Variants in SUPT6H observed in about 807,000 individuals in gnomAD.
SUPT6H encodes the protein transcription elongation factor SPT6.
A neutral mutation model predicts 222.3 loss-of-function variants in SUPT6H; 11 were observed. That is an observed-to-expected ratio of 0.05 (90% CI 0.03 to 0.08). The LOEUF (loss-of-function observed/expected upper bound fraction) is 0.08, where lower values mean the gene tolerates loss of function less well. Ranked by LOEUF, SUPT6H falls within the 10% of genes least tolerant of loss-of-function variation. The pLI is 1.00. For synonymous variants in SUPT6H, 762 were observed against 801.2 expected (o/e 0.95, Z 0.83); for missense variants, 1,422 against 2,216.0 (o/e 0.64, Z 7.19).
intron 21 of SUPT6H, 32 bp from the exon 22 acceptor site, chr17:28,687,056 T>C (rs2031418601): frequency 6.2e-7 from 1 of 1,608,580 alleles, no homozygotes; most frequent in African/African-American, 1.3e-5. Flanking sequence ...TAAGGGGATT[T>C]TAAGGCCCTG....
At position 28,697,003 on chromosome 17, in the gene SUPT6H, T is replaced by C; in HGVS notation, c.4130T>C (p.Ile1377Thr). ...LTVTWKVSDG[I>T]YQHVDVREEG... ...GTGACCTGGAAAGTCAGTGATGGCA[T>C]CTACCAGCATGTGGATGTGCGGGAG... Residue 1377 changes from isoleucine to threonine, a missense_variant, in exon 30 of 37, where the codon ATC (isoleucine) becomes ACC (threonine). Physicochemically the swap from Ile to Thr is moderately conservative, Grantham distance 89 (BLOSUM62 -1). Transcript: ENST00000314616. The C allele has an allele frequency of 1.2e-6, 2 of 1,614,100 alleles. No individual in the cohort carries two copies. Among genetic ancestry groups the C allele is most frequent in the South Asian group, 1.1e-5 (1 of 91,080 alleles).
intron 10 of SUPT6H, 82 bp downstream of exon 10, chr17:28,678,716 C>G: frequency 1.9e-6 from 3 of 1,610,606 alleles, no homozygotes; most frequent in Non-Finnish European, 2.5e-6. Flanking sequence ...CCAAACCCCC[C>G]AGGCCTGTCT....
intron 26 of SUPT6H, among the ~76,000 whole-genome samples, 172 bp from the exon 27 acceptor site, chr17:28,690,749 G>T (rs1261217409): frequency 6.6e-6 from 1 of 152,156 alleles, no homozygotes; most frequent in Non-Finnish European, 1.5e-5. Context: ...ACTGCAGCCT[G>T]GGCAACAGAG....
intron 31 of SUPT6H, 37 bp from the exon 32 acceptor site, chr17:28,697,869 C>T: frequency 1.2e-6 from 2 of 1,610,860 alleles, no homozygotes; most frequent in Non-Finnish European, 1.7e-6. Flanking sequence ...ACCAAGCATG[C>T]TGCTATCCCA....
chr17:28,666,154 T>G (rs1382543384), intron 1 of SUPT6H, among the ~76,000 whole-genome samples: 1 of 152,228 alleles, frequency 6.6e-6, no homozygotes, highest in Non-Finnish European at 1.5e-5. Flanking sequence ...GCTGAACTAA[T>G]TCCTCCTTAC....
chr17:28,672,221 T>A (rs888313826), intron 1 of SUPT6H, among the ~76,000 whole-genome samples: 2 of 152,200 alleles, frequency 1.3e-5, no homozygotes, highest in Admixed American at 6.5e-5. Flanking sequence ...ACTTATTGTT[T>A]CCAAGCCTCC....
intron 29 of SUPT6H, among the ~76,000 whole-genome samples, chr17:28,695,931 G>A (rs1453616676): frequency 1.3e-5 from 2 of 152,106 alleles, no homozygotes; most frequent in African/African-American, 2.4e-5. Flanking sequence ...GGGAGGCCAA[G>A]GCAGGAGGAG....
intron 1 of SUPT6H, 50 bp downstream of exon 1, chr17:28,662,392 C>G (rs1429302285): frequency 6.4e-6 from 1 of 156,754 alleles, no homozygotes; most frequent in Non-Finnish European, 1.4e-5. Context: ...AGGTGGGGAA[C>G]CGGGCTCCTA....
At chr17:28,666,166 C>T (rs759445197) in intron 1 of SUPT6H, among the ~76,000 whole-genome samples, 1 of 152,232 alleles carries the variant, frequency 6.6e-6, no homozygotes, top group East Asian at 1.9e-4. Context: ...CCTCCTTACT[C>T]TTAAGGTCTT....
Position 28,701,308 on chromosome 17 carries a change from C to T in SUPT6H, c.4995-131C>T, listed in dbSNP as rs1323934783. ...AGGGCAGTATGGCAGCCAGCTGCTGCTGTATCTGCCTTATCCCAGTAGAGG... is the reference window on the plus strand; with the variant it reads ...AGGGCAGTATGGCAGCCAGCTGCTGTTGTATCTGCCTTATCCCAGTAGAGG... On this transcript the variant is annotated intron_variant, in intron 36 of 36. Coordinates refer to ENST00000314616, the MANE Select transcript of SUPT6H (RefSeq NM_003170.5). The T allele has an allele frequency of 1.2e-5, 17 of 1,381,570 alleles. No homozygotes were observed. In the East Asian group the frequency reaches 3.7e-4, roughly 30 times the overall value. 85.6% of individuals were successfully genotyped at this position (1,381,570 alleles called of 1,614,324 possible). A position where few individuals can be genotyped will look rare whatever the true frequency, so the allele number is the denominator to read the frequency against.
At chr17:28,691,162 C>G in intron 27 of SUPT6H, 99 bp downstream of exon 27, 1 of 1,433,150 alleles carries the variant, frequency 7.0e-7, no homozygotes, top group Non-Finnish European at 9.5e-7. Flanking sequence ...AGATCATTCT[C>G]TCACCAAACA....
intron 19 of SUPT6H, among the ~76,000 whole-genome samples, chr17:28,685,663 T>C (rs181428463): frequency 2.3e-4 from 35 of 152,234 alleles, no homozygotes; most frequent in African/African-American, 8.4e-4. Context: ...TTTGTATTTT[T>C]TGTAGAGACA....
At position 28,700,164 on chromosome 17, in the gene SUPT6H, T is replaced by C. The variant is rs1324949559; in HGVS notation, c.4562-9T>C. On this transcript the variant is annotated splice_polypyrimidine_tract_variant and intron_variant, in intron 33 of 36. Transcript: ENST00000314616. ...TGGAGGGATGTAACTAAATAATCAC[T>C]TCCTGCAGGCATCACCCCTAGCAGC... 1 of 1,614,048 alleles carries C rather than the reference T, an allele frequency of 6.2e-7. No individual in the cohort carries two copies. Among genetic ancestry groups the C allele is most frequent in the Non-Finnish European group, 8.5e-7 (1 of 1,180,018 alleles).
chr17:28,664,802 C>T (rs528208652), intron 1 of SUPT6H, among the ~76,000 whole-genome samples: 1 of 152,318 alleles, frequency 6.6e-6, no homozygotes, highest in South Asian at 2.1e-4. Flanking sequence ...GAGTGGTGCT[C>T]CTATCCGCAG....
chr17:28,699,724 C>A, intron 32 of SUPT6H, 57 bp from the exon 33 acceptor site: 1 of 1,433,030 alleles, frequency 7.0e-7, no homozygotes, highest in Non-Finnish European at 9.9e-7. Context: ...CTGTTCTGGT[C>A]GCTCTTGTGG....
At chr17:28,675,736 T>C (rs1305482298) in intron 6 of SUPT6H, among the ~76,000 whole-genome samples, 1 of 152,242 alleles carries the variant, frequency 6.6e-6, no homozygotes, top group Non-Finnish European at 1.5e-5. Context: ...GCATTCCTCT[T>C]CCGCCTACAG....
chr17:28,683,858 C>CA (rs2031247620), intron 17 of SUPT6H, 42 bp downstream of exon 17: 4 of 1,503,726 alleles, frequency 2.7e-6, no homozygotes, highest in African/African-American at 2.8e-5. Context: ...TTTTTGGTGA[C>CA]AGAGTCTTGC....
chr17:28,701,407 A>C, intron 36 of SUPT6H, 32 bp from the exon 37 acceptor site: 1 of 1,602,646 alleles, frequency 6.2e-7, no homozygotes, highest in Non-Finnish European at 8.5e-7. Context: ...CTTCTAGCAA[A>C]GTCCCAATCT....
chr17:28,683,852 TGG>T, intron 17 of SUPT6H, 36 bp downstream of exon 17: 2 of 1,409,864 alleles, frequency 1.4e-6, no homozygotes, highest in Non-Finnish European at 9.7e-7. Flanking sequence ...TTTTTTTTTT[TGG>T]TGACAGAGTC....
Sources: allele counts gnomAD v4.1 joint callset (sites outside exome capture counted in the v4.1 genomes callset), GRCh38; gene constraint gnomAD v4.1.1; transcripts MANE v1.5; gene names NCBI Gene and HGNC (gene_info 2026-07-23, HGNC 2026-07-21).